PCDHGA2: variants seen among roughly 807,000 people sequenced by gnomAD.
The protein encoded by PCDHGA2 is protocadherin gamma-A2.
PCDHGA2 carries 40 observed loss-of-function variants against 59.2 expected under a neutral mutation model. That is an observed-to-expected ratio of 0.68 (90% CI 0.52 to 0.88). The LOEUF (loss-of-function observed/expected upper bound fraction) is 0.88, where lower values mean the gene tolerates loss of function less well. Ranked by LOEUF, PCDHGA2 falls within the 40% of genes least tolerant of loss-of-function variation. PCDHGA2 has a pLI of 0.00. For synonymous variants in PCDHGA2, 560 were observed against 526.0 expected (o/e 1.06, Z -0.89); for missense variants, 1,226 against 1,204.0 (o/e 1.02, Z -0.27).
chr5:141,495,205 C>T (rs977479495), intron 2 of PCDHGA2, among the ~76,000 whole-genome samples: 1 of 152,212 alleles, frequency 6.6e-6, no homozygotes, highest in African/African-American at 2.4e-5. Flanking sequence ...TACTGCCTAA[C>T]CCCCTCCCCT....
intron 1 of PCDHGA2, chr5:141,427,830 C>T (rs749612858): frequency 7.8e-6 from 12 of 1,538,204 alleles, no homozygotes; most frequent in African/African-American, 1.4e-5. Flanking sequence ...GGTCGCGCAG[C>T]GTGCCTTCGA....
chr5:141,413,575 G>A lies in PCDHGA2; in HGVS notation c.2424+72180G>A, dbSNP rs762938003. The stretch of plus-strand genomic sequence containing the variant: ...AGAAGTAACTGATATCAATGACAAT[G>A]CTCCAAAATTCCAAGCAGAAAATCT... On this transcript the variant is annotated intron_variant, in intron 1 of 3. Transcript: ENST00000394576. 4.3e-6 allele frequency: 7 copies of A among 1,613,886 alleles called. No individual in the cohort carries two copies. In the South Asian group the frequency reaches 6.6e-5, roughly 15 times the overall value.
At chr5:141,464,116 T>A (rs1195883274) in intron 1 of PCDHGA2, among the ~76,000 whole-genome samples, 1 of 151,922 alleles carries the variant, frequency 6.6e-6, no homozygotes, top group African/African-American at 2.4e-5. Context: ...AATACAAAAA[T>A]TAGCTGGGTG....
In PCDHGA2 at chr5:141,487,747, CTA is replaced by C. The variant is rs2099663990; in HGVS notation, c.2425-7058_2425-7057del. 1 of 1,558,062 alleles carries C rather than the reference CTA, an allele frequency of 6.4e-7. No individual in the cohort carries two copies. The highest frequency in any genetic ancestry group is 2.4e-5 in the East Asian group (1 of 41,708). On this transcript the variant is annotated intron_variant, in intron 1 of 3. Coordinates refer to ENST00000394576, the MANE Select transcript of PCDHGA2 (RefSeq NM_018915.4). This position sits in a 1 kb window ranked among gnomAD's most constrained non-coding sequence, Gnocchi z 5.0. ...ATGTCACCATTTTTGTAAGAGGTAA[CTA>C]TGTGGTAGACGCTGTGCTTTGTAAC... is the stretch of plus-strand genomic sequence containing the variant.
rs746117073 is a variant in PCDHGA2, at chr5:141,340,994, C to T, written c.2023C>T (p.Leu675=). Residue 675 remains leucine (L), a synonymous_variant, in exon 1 of 4, where the codon CTG becomes TTG. Transcript: ENST00000394576. ...CAGGATCCCCGACATCCTGGCCGAC[C>T]TGGGCAGCCTCGAGCCCTCCGCCAT... ...ADRIPDILAD[L]GSLEPSAIPN... is the part of the protein sequence containing the mutation. The T allele has an allele frequency of 4.3e-6, 7 of 1,614,118 alleles. No homozygotes were observed. Among genetic ancestry groups the T allele is most frequent in the Middle Eastern group, 1.7e-4 (1 of 6,054 alleles).
intron 1 of PCDHGA2, among the ~76,000 whole-genome samples, chr5:141,382,425 AAG>A (rs1778199818): frequency 6.6e-6 from 1 of 152,212 alleles, no homozygotes; most frequent in Admixed American, 6.5e-5. Flanking sequence ...CAGTGCCCAA[AAG>A]AGTCACTTGA....
intron 3 of PCDHGA2, among the ~76,000 whole-genome samples, chr5:141,507,790 A>C (rs922507228): frequency 5.9e-5 from 9 of 152,188 alleles, no homozygotes; most frequent in Admixed American, 2.6e-4. Context: ...ACCCTCGTCT[A>C]AGCCTGCGCC....
intron 1 of PCDHGA2, chr5:141,408,935 G>C (rs773802276): frequency 6.2e-7 from 1 of 1,613,472 alleles, no homozygotes; most frequent in Non-Finnish European, 8.5e-7. Context: ...TTTCAGCAGA[G>C]ACGAATATAG....
At chr5:141,414,342 C>A in intron 1 of PCDHGA2, 2 of 1,613,810 alleles carry the variant, frequency 1.2e-6, no homozygotes, top group East Asian at 2.2e-5. Flanking sequence ...TAACCTGTTC[C>A]ATTTTGGCGT....
intron 1 of PCDHGA2, chr5:141,344,638 G>A: frequency 6.2e-7 from 1 of 1,613,936 alleles, no homozygotes; most frequent in Non-Finnish European, 8.5e-7. Flanking sequence ...GCCCTGGACC[G>A]TGAGAAAAAA....
chr5:141,388,135 T>C, intron 1 of PCDHGA2: 1 of 1,452,398 alleles, frequency 6.9e-7, no homozygotes, highest in Non-Finnish European at 9.5e-7. Flanking sequence ...AGCGGGGAGT[T>C]GCTTGTGAGC....
At position 141,489,181 on chromosome 5, in the gene PCDHGA2, T is replaced by C; in HGVS notation, c.2425-5626T>C. The C allele has an allele frequency of 1.6e-6, 2 of 1,259,546 alleles. No homozygotes were observed. The highest frequency in any genetic ancestry group is 2.2e-6 in the Non-Finnish European group (2 of 905,040). The allele number at this position is 1,259,546 out of a possible 1,614,324, so 78.0% of individuals were successfully genotyped here. ...ACTTCAGCTGCTGCATTCCAAGCCC[T>C]GGGTCTACCTTGGAGACAGGACAGC... On this transcript the variant is annotated intron_variant, in intron 1 of 3. Transcript: ENST00000394576. This position sits in a 1 kb window ranked among gnomAD's most constrained non-coding sequence, Gnocchi z 4.5.
At chr5:141,500,260 C>G (rs2099798502) in intron 2 of PCDHGA2, among the ~76,000 whole-genome samples, 3 of 151,104 alleles carry the variant, frequency 2.0e-5, no homozygotes, top group African/African-American at 2.4e-5. Flanking sequence ...CCAGGCTGGA[C>G]TGCAGTGGCG....
chr5:141,426,733 G>A (rs62378459), intron 1 of PCDHGA2: 13,670 of 449,336 alleles, frequency 0.03, 288 homozygotes, highest in Middle Eastern at 0.11. Context: ...CCAGGCATTC[G>A]GTTTGGCCTG....
intron 1 of PCDHGA2, chr5:141,416,276 A>G (rs553989511): frequency 6.6e-6 from 1 of 152,388 alleles, no homozygotes; most frequent in East Asian, 1.9e-4. Context: ...TTTTGCATAC[A>G]ATTCTCTAAT....
chr5:141,372,253 G>A (rs1768545048), intron 1 of PCDHGA2: 2 of 1,613,040 alleles, frequency 1.2e-6, no homozygotes, highest in African/African-American at 2.7e-5. Flanking sequence ...TTCAGCCTGG[G>A]CCTGCGCACG....
intron 1 of PCDHGA2, chr5:141,365,843 G>C: frequency 6.2e-7 from 1 of 1,613,912 alleles, no homozygotes; most frequent in Non-Finnish European, 8.5e-7. Flanking sequence ...GTCCTCCTAT[G>C]TATCCATTAA....
At chr5:141,366,516 G>C (rs1198130864) in intron 1 of PCDHGA2, 1 of 1,614,156 alleles carries the variant, frequency 6.2e-7, no homozygotes, top group African/African-American at 1.3e-5. Flanking sequence ...CAGGCTGAAG[G>C]CAGCAGGTTG....
At position 141,431,783 on chromosome 5, in the gene PCDHGA2, G is replaced by T; in HGVS notation, c.2425-63024G>T. 2 of 1,614,174 alleles carry T rather than the reference G, an allele frequency of 1.2e-6. No homozygotes were observed. Among genetic ancestry groups the T allele is most frequent in the East Asian group, 2.2e-5 (1 of 44,878 alleles). On this transcript the variant is annotated intron_variant, in intron 1 of 3. Transcript: ENST00000394576. The surrounding 1 kb of genome is among the most constrained non-coding windows in gnomAD (Gnocchi z 4.8). Reference sequence around the variant, plus strand: ...CCTGATCACTGTTCTGGACGTGAACGACAATGCCCCAGAAGTGGTCCTCAC... The same window carrying T: ...CCTGATCACTGTTCTGGACGTGAACTACAATGCCCCAGAAGTGGTCCTCAC...
Sources: gnomAD v4.1 joint callset for allele counts (sites outside exome capture counted in the v4.1 genomes callset) on GRCh38, gnomAD v4.1.1 for gene constraint, Gnocchi (gnomAD v3.1) non-coding constraint, MANE v1.5 for transcripts, NCBI Gene and HGNC (gene_info 2026-07-23, HGNC 2026-07-21) for gene names.